The following CHRM2 variants were observed in gnomAD, a reference collection of about 807,000 sequenced individuals.
CHRM2 encodes the protein cholinergic receptor muscarinic 2, also known as muscarinic acetylcholine receptor M2.
Under a neutral mutation model 25.0 loss-of-function variants are expected in CHRM2, and 8 were observed. The observed-to-expected ratio is 0.32, with a 90% CI of 0.19 to 0.58. The LOEUF is 0.58. CHRM2 is among the 20% of genes least tolerant of loss of function. The pLI, the probability that CHRM2 is intolerant of heterozygous loss-of-function variation, is 0.88. For missense variants in CHRM2, 440 were observed against 567.1 expected (o/e 0.78, Z 2.28); for synonymous variants, 202 against 205.7 (o/e 0.98, Z 0.15).
intron 2 of CHRM2, among the ~76,000 whole-genome samples, chr7:136,954,312 C>T (rs1050738224): frequency 1.5e-4 from 23 of 152,246 alleles, no homozygotes; most frequent in African/African-American, 4.6e-4. Flanking sequence ...AAAGTAGGTA[C>T]ACACATGTGT....
At chr7:136,885,908 A>C (rs1796444297) in intron 2 of CHRM2, among the ~76,000 whole-genome samples, 1 of 152,140 alleles carries the variant, frequency 6.6e-6, no homozygotes, top group Non-Finnish European at 1.5e-5. Flanking sequence ...TAGGAATGGA[A>C]CATTCAGAGT....
intron 3 of CHRM2, among the ~76,000 whole-genome samples, chr7:137,005,827 G>A (rs1314634854): frequency 6.6e-6 from 1 of 152,078 alleles, no homozygotes; most frequent in African/African-American, 2.4e-5. Context: ...AACTAATTTA[G>A]AGTTATTAAA....
chr7:136,912,072 A>T (rs1022133674), intron 2 of CHRM2, among the ~76,000 whole-genome samples: 1 of 151,962 alleles, frequency 6.6e-6, no homozygotes, highest in Admixed American at 6.6e-5. Context: ...AAAGGTGATT[A>T]AAAGACAGGT....
chr7:137,018,689 C>T lies in CHRM2; in HGVS notation c.*2423C>T, dbSNP rs561396110. On this transcript the variant is annotated 3_prime_UTR_variant, in exon 4 of 4. Transcript: ENST00000680005. Reference sequence around the variant, plus strand: ...TGCTGCCATTGTATCCTTCCTTTTCCTCCCTCTGTTATTGATCCTTGCCAC... The same window carrying T: ...TGCTGCCATTGTATCCTTCCTTTTCTTCCCTCTGTTATTGATCCTTGCCAC... The T allele has an allele frequency of 6.6e-6, 1 of 151,954 alleles. No homozygotes were observed. Among genetic ancestry groups the T allele is most frequent in the East Asian group, 2.0e-4 (1 of 5,120 alleles). The allele number at this position is 151,954 out of a possible 1,614,324, so 9.4% of individuals were successfully genotyped here.
chr7:136,957,192 T>C (rs1800774069), intron 2 of CHRM2, among the ~76,000 whole-genome samples: 1 of 152,212 alleles, frequency 6.6e-6, no homozygotes, highest in South Asian at 2.1e-4. Flanking sequence ...ATTTCTGTGC[T>C]TTGTTCAGTA....
At chr7:136,984,358 GAT>G (rs1460904391) in intron 2 of CHRM2, among the ~76,000 whole-genome samples, 1 of 152,166 alleles carries the variant, frequency 6.6e-6, no homozygotes, top group Non-Finnish European at 1.5e-5. Context: ...CAAGCCAGTG[GAT>G]CTTAGCTTGC....
At chr7:136,962,101 G>A (rs1359770550) in intron 2 of CHRM2, among the ~76,000 whole-genome samples, 1 of 151,766 alleles carries the variant, frequency 6.6e-6, no homozygotes, top group Non-Finnish European at 1.5e-5. Flanking sequence ...TCATAACTCT[G>A]CAGTAATGAC....
At chr7:136,959,792 T>C (rs1268025586) in intron 2 of CHRM2, among the ~76,000 whole-genome samples, 1 of 152,100 alleles carries the variant, frequency 6.6e-6, no homozygotes, top group African/African-American at 2.4e-5. Context: ...ATGCCTGTAA[T>C]CCCAGCTACT....
intron 3 of CHRM2, among the ~76,000 whole-genome samples, chr7:137,005,573 C>T (rs1161005956): frequency 6.6e-6 from 1 of 152,028 alleles, no homozygotes; most frequent in Non-Finnish European, 1.5e-5. Flanking sequence ...CCCAAACTGA[C>T]TTTTGTTCCT....
chr7:136,978,878 C>G (rs181774783), intron 2 of CHRM2, among the ~76,000 whole-genome samples: 26 of 152,240 alleles, frequency 1.7e-4, no homozygotes, highest in African/African-American at 6.3e-4. Flanking sequence ...GGTTTCAAGT[C>G]TTTACTATTG....
At chr7:136,933,706 A>G (rs928680680) in intron 2 of CHRM2, among the ~76,000 whole-genome samples, 2 of 152,210 alleles carry the variant, frequency 1.3e-5, no homozygotes, top group Non-Finnish European at 2.9e-5. Context: ...ACAAAATGTG[A>G]TATTTCCATA....
chr7:136,879,619 A>G (rs1197828408), intron 2 of CHRM2, among the ~76,000 whole-genome samples: 2 of 152,088 alleles, frequency 1.3e-5, no homozygotes, highest in East Asian at 1.9e-4. Flanking sequence ...ATCAAGGATT[A>G]TCTTTCACAG....
At position 136,955,819 on chromosome 7, in the gene CHRM2, C is replaced by A. The variant is rs146408200; in HGVS notation, c.-124-36368C>A. Among the ~76,000 whole-genome samples the A allele has an allele frequency of 3.9e-5, 6 of 152,282 alleles. No individual in the cohort carries two copies. In the East Asian group the frequency reaches 1.2e-3, roughly 29 times the overall value. Reference sequence around the variant, plus strand: ...TGATAAAAAGTAATAAAGGTCTGTTCTCTTGATGCCTGAATTTCAACTTGG... The same window carrying A: ...TGATAAAAAGTAATAAAGGTCTGTTATCTTGATGCCTGAATTTCAACTTGG... On this transcript the variant is annotated intron_variant, in intron 2 of 3. Transcript: ENST00000680005.
At chr7:136,897,810 A>AT (rs1295592554) in intron 2 of CHRM2, among the ~76,000 whole-genome samples, 3 of 151,918 alleles carry the variant, frequency 2.0e-5, no homozygotes, top group Admixed American at 6.6e-5. Flanking sequence ...ATTTCTTTTC[A>AT]TTTTTTGTTC....
At chr7:137,011,215 G>GTGTGTGTGTGTGTGTGTATATATATATA in intron 3 of CHRM2, among the ~76,000 whole-genome samples, 6 of 134,336 alleles carry the variant, frequency 4.5e-5, no homozygotes, top group African/African-American at 1.6e-4. Flanking sequence ...GTGTGTGTGT[G>GTGTGTGTGTGTGTGTGTATATATATATA]TATATATATA....
chr7:136,915,366 GAA>G (rs529137476), intron 2 of CHRM2, among the ~76,000 whole-genome samples: 1 of 151,884 alleles, frequency 6.6e-6, no homozygotes, highest in Non-Finnish European at 1.5e-5. Context: ...TACTCACTGA[GAA>G]AAGTCTATTT....
chr7:136,960,083 G>GAACT (rs1309862909), intron 2 of CHRM2, among the ~76,000 whole-genome samples: 1 of 152,166 alleles, frequency 6.6e-6, no homozygotes, highest in Admixed American at 6.5e-5. Flanking sequence ...GGCTGTCCTA[G>GAACT]AACTGGGCAC....
chr7:136,960,507 C>T (rs896923325), intron 2 of CHRM2, among the ~76,000 whole-genome samples: 9 of 152,186 alleles, frequency 5.9e-5, no homozygotes, highest in African/African-American at 1.7e-4. Flanking sequence ...AAATAGATCA[C>T]GATACCTCCC....
intron 2 of CHRM2, among the ~76,000 whole-genome samples, chr7:136,895,293 T>C (rs1796849661): frequency 6.6e-6 from 1 of 152,198 alleles, no homozygotes; most frequent in African/African-American, 2.4e-5. Flanking sequence ...AAGGAGAATC[T>C]ATGTCCTAAC....
Sources: allele counts gnomAD v4.1 joint callset (sites outside exome capture counted in the v4.1 genomes callset), GRCh38; gene constraint gnomAD v4.1.1; transcripts MANE v1.5; gene names NCBI Gene and HGNC (gene_info 2026-07-23, HGNC 2026-07-21).